BRWD1: variants seen among roughly 807,000 people sequenced by gnomAD.
BRWD1 encodes the protein bromodomain and WD repeat domain containing 1.
A neutral mutation model predicts 251.2 loss-of-function variants in BRWD1; 82 were observed. The ratio of observed to expected loss-of-function variants is 0.33; its 90% CI spans 0.27 to 0.39. BRWD1 has a LOEUF of 0.39. Ranked by LOEUF, BRWD1 falls within the 10% of genes least tolerant of loss-of-function variation. The pLI is 1.00. For missense variants in BRWD1, 2,233 were observed against 2,711.6 expected, an observed-to-expected ratio of 0.82 and a Z score of 3.92; for synonymous variants, 918 against 902.8, an observed-to-expected ratio of 1.02 and a Z score of -0.30.
intron 9 of BRWD1, among the ~76,000 whole-genome samples, chr21:39,279,454 C>T (rs969028257): frequency 2.0e-5 from 3 of 148,184 alleles, no homozygotes; most frequent in African/African-American, 5.0e-5. Context: ...GCCTGGCCAA[C>T]CTGGTGAAAC....
At chr21:39,267,167 T>C (rs1183855609) in intron 15 of BRWD1, among the ~76,000 whole-genome samples, 2 of 152,056 alleles carry the variant, frequency 1.3e-5, no homozygotes, top group African/African-American at 4.8e-5. Flanking sequence ...TGTACTTTGA[T>C]CATACTATTT....
At position 39,191,846 on chromosome 21, in the gene BRWD1, GA is replaced by G; in HGVS notation, c.*4412del. 1 of 984,848 alleles carries G rather than the reference GA, an allele frequency of 1.0e-6. No homozygotes were observed. The highest frequency in any genetic ancestry group is 1.2e-6 in the Non-Finnish European group (1 of 829,546). The allele number at this position is 984,848 out of a possible 1,614,324, so 61.0% of individuals were successfully genotyped here. A position where few individuals can be genotyped will look rare whatever the true frequency, so the allele number is the denominator to read the frequency against. ...ATCTCATTTAAGGGCTTTAATAAAT[GA>G]AAAAACTTACCTTAAAACTGACATA... On this transcript the variant is annotated 3_prime_UTR_variant, in exon 41 of 41. Coordinates refer to ENST00000342449, the MANE Select transcript of BRWD1 (RefSeq NM_033656.4).
Position 39,215,272 on chromosome 21 carries a change from A to C in BRWD1, c.3750T>G (p.Ala1250=). The stretch of plus-strand genomic sequence containing the variant: ...TTAAAAGTTGGTCAGTTATCTTTTT[A>C]GCTGATCTTGCAATTACACTCTCAG... The part of the protein sequence containing the change: ...NEPESVIARS[A]KKITDQLLKF... The change falls in exon 32 of 41, where the codon GCT becomes GCG. Residue 1250 remains alanine (A), a synonymous_variant. Transcript: ENST00000342449. 9.3e-6 allele frequency: 15 copies of C among 1,612,754 alleles called. No individual in the cohort carries two copies. The highest frequency in any genetic ancestry group is 1.3e-5 in the Non-Finnish European group (15 of 1,178,852).
At chr21:39,201,844 T>C (rs534146887) in intron 38 of BRWD1, among the ~76,000 whole-genome samples, 6 of 152,324 alleles carry the variant, frequency 3.9e-5, no homozygotes, top group Non-Finnish European at 8.8e-5. Context: ...TAACAGTAAA[T>C]AGTATGCTAT....
In BRWD1 at chr21:39,190,879, C is replaced by A; in HGVS notation, c.*5380G>T. On this transcript the variant is annotated 3_prime_UTR_variant, in exon 41 of 41. Coordinates refer to ENST00000342449, the MANE Select transcript of BRWD1 (RefSeq NM_033656.4). Reference sequence around the variant, plus strand: ...CTTATTCATTTTTAGGGTTCATTTACTCAATGATGGGCACCACACAACTCT... The same window carrying A: ...CTTATTCATTTTTAGGGTTCATTTAATCAATGATGGGCACCACACAACTCT... The A allele has an allele frequency of 1.0e-6, 1 of 985,342 alleles. No homozygotes were observed. Among genetic ancestry groups the A allele is most frequent in the African/African-American group, 1.7e-5 (1 of 57,342 alleles). 61.0% of individuals were successfully genotyped at this position (985,342 alleles called of 1,614,324 possible). A position where few individuals can be genotyped will look rare whatever the true frequency, so the allele number is the denominator to read the frequency against.
Position 39,239,352 on chromosome 21 carries a change from A to G in BRWD1, c.2482-779T>C, listed in dbSNP as rs560887294. Among the ~76,000 whole-genome samples, 22 of 152,066 alleles carry G rather than the reference A, an allele frequency of 1.4e-4. No homozygotes were observed. The East Asian group carries it at 3.9e-3, about 27-fold the overall frequency. ...TACATTAAGCTTATGATTCATTTTG[A>G]GTTAATTTTTGTGAAAGACTGGTGT... On this transcript the variant is annotated intron_variant, in intron 21 of 40. Transcript: ENST00000342449.
intron 17 of BRWD1, among the ~76,000 whole-genome samples, chr21:39,262,122 T>C (rs1286973074): frequency 6.6e-6 from 1 of 152,164 alleles, no homozygotes; most frequent in African/African-American, 2.4e-5. Flanking sequence ...AGACAAGCAA[T>C]TCAAAATGTG....
At chr21:39,212,588 G>T in intron 34 of BRWD1, 78 bp downstream of exon 34, 2 of 1,208,348 alleles carry the variant, frequency 1.7e-6, no homozygotes, top group Non-Finnish European at 2.4e-6. Flanking sequence ...ACTTTTCAAA[G>T]ACAAAAACTA....
chr21:39,204,440 T>A (rs1330955160), intron 37 of BRWD1, among the ~76,000 whole-genome samples: 1 of 152,092 alleles, frequency 6.6e-6, no homozygotes, highest in Non-Finnish European at 1.5e-5. Flanking sequence ...AATGTGATAT[T>A]AATCTAAACT....
At chr21:39,224,314 G>T in intron 29 of BRWD1, 94 bp downstream of exon 29, 1 of 648,758 alleles carries the variant, frequency 1.5e-6, no homozygotes, top group East Asian at 3.1e-5. Flanking sequence ...TGAATATATT[G>T]ATCATAGAAT....
chr21:39,310,290 CA>C (rs1381402887), intron 4 of BRWD1, among the ~76,000 whole-genome samples: 1 of 152,116 alleles, frequency 6.6e-6, no homozygotes, highest in Admixed American at 6.5e-5. Context: ...CAGAGGCGGG[CA>C]GATCACCTGA....
At chr21:39,306,020 A>G (rs928219516) in intron 4 of BRWD1, among the ~76,000 whole-genome samples, 12 of 151,966 alleles carry the variant, frequency 7.9e-5, no homozygotes, top group Non-Finnish European at 1.3e-4. Context: ...CCTGGACAAC[A>G]AGAGACCCAA....
intron 21 of BRWD1, among the ~76,000 whole-genome samples, chr21:39,247,382 C>A (rs1279498821): frequency 6.6e-6 from 1 of 152,142 alleles, no homozygotes; most frequent in South Asian, 2.1e-4. Flanking sequence ...ACAGGTTGAG[C>A]ATGCCAAATC....
rs745993617 is a variant in BRWD1 at position 39,210,076 on chromosome 21, A to G, written c.4116T>C (p.Tyr1372=). The G allele has an allele frequency of 1.6e-5, 26 of 1,613,580 alleles. No individual in the cohort carries two copies. The highest frequency in any genetic ancestry group is 2.2e-5 in the Non-Finnish European group (26 of 1,179,616). ...TVRETLDAGN[Y]DSPLEFCKDI... is the part of the protein sequence containing the mutation. ...CTTTGCAAAACTCCAAAGGGCTGTCATAATTTCCCGCATCTAGAGTTTCCC... is the reference window on the plus strand; with the variant it reads ...CTTTGCAAAACTCCAAAGGGCTGTCGTAATTTCCCGCATCTAGAGTTTCCC... The change falls in exon 36 of 41, where the codon TAT becomes TAC. Residue 1372 remains tyrosine (Y), a synonymous_variant. Coordinates refer to ENST00000342449, the MANE Select transcript of BRWD1 (RefSeq NM_033656.4).
In BRWD1 at chr21:39,188,786, T is replaced by A. The variant is rs989106863; in HGVS notation, c.*7473A>T. 2 of 985,300 alleles carry A rather than the reference T, an allele frequency of 2.0e-6. No individual in the cohort carries two copies. The highest frequency in any genetic ancestry group is 3.5e-5 in the African/African-American group (2 of 57,248). The allele number at this position is 985,300 out of a possible 1,614,324, so 61.0% of individuals were successfully genotyped here. The stretch of plus-strand genomic sequence containing the variant: ...CTTTATTCAAAGCAACCCCACCACA[T>A]ACACATCAGTTCCTTTTGCCAACTA... On this transcript the variant is annotated 3_prime_UTR_variant, in exon 41 of 41. Coordinates refer to ENST00000342449, the MANE Select transcript of BRWD1 (RefSeq NM_033656.4).
At chr21:39,302,498 T>G (rs1157548482) in intron 4 of BRWD1, among the ~76,000 whole-genome samples, 3 of 152,070 alleles carry the variant, frequency 2.0e-5, no homozygotes, top group Non-Finnish European at 4.4e-5. Context: ...GGCTCAGACT[T>G]GTAATCTCAG....
At chr21:39,253,135 C>A (rs980102638) in intron 19 of BRWD1, among the ~76,000 whole-genome samples, 13 of 151,818 alleles carry the variant, frequency 8.6e-5, no homozygotes, top group African/African-American at 3.1e-4. Flanking sequence ...ACTGAAAATA[C>A]AAAATTAGCC....
At position 39,187,806 on chromosome 21, in the gene BRWD1, C is replaced by A. The variant is rs2031328464; in HGVS notation, c.*8453G>T. 1.0e-6 allele frequency: 1 copy of A among 985,126 alleles called. No homozygotes were observed. The highest frequency in any genetic ancestry group is 1.2e-6 in the Non-Finnish European group (1 of 829,876). The allele number at this position is 985,126 out of a possible 1,614,324, so 61.0% of individuals were successfully genotyped here. A position where few individuals can be genotyped will look rare whatever the true frequency, so the allele number is the denominator to read the frequency against. The stretch of plus-strand genomic sequence containing the variant: ...GACACACGAGATTCAGATTAAAATT[C>A]TAAAAAATAACACAGAGTTGCTTTA... On this transcript the variant is annotated 3_prime_UTR_variant, in exon 41 of 41. Coordinates refer to ENST00000342449, the MANE Select transcript of BRWD1 (RefSeq NM_033656.4).
At chr21:39,245,782 T>A (rs761087394) in intron 21 of BRWD1, among the ~76,000 whole-genome samples, 7 of 152,082 alleles carry the variant, frequency 4.6e-5, no homozygotes, top group Admixed American at 1.3e-4. Flanking sequence ...GTCTTTTTAG[T>A]AGAGACAGGG....
Sources: gnomAD v4.1 joint callset for allele counts (sites outside exome capture counted in the v4.1 genomes callset) on GRCh38, gnomAD v4.1.1 for gene constraint, MANE v1.5 for transcripts, NCBI Gene and HGNC (gene_info 2026-07-23, HGNC 2026-07-21) for gene names.